Variants in PRKG1 observed in about 807,000 individuals in gnomAD.
PRKG1 encodes the protein cGMP-dependent protein kinase 1.
Under a neutral mutation model 88.1 loss-of-function variants are expected in PRKG1, and 35 were observed. That is an observed-to-expected ratio of 0.40 (90% CI 0.30 to 0.53). PRKG1 has a LOEUF of 0.53. Among genes scored for constraint, PRKG1 ranks in the 20% least tolerant of loss-of-function variants. PRKG1 has a pLI of 0.59. For synonymous variants in PRKG1, 303 were observed against 292.5 expected (o/e 1.04, Z -0.37); for missense variants, 540 against 839.8 (o/e 0.64, Z 4.41).
At chr10:51,642,721 C>A (rs7911086) in intron 3 of PRKG1, among the ~76,000 whole-genome samples, 72,623 of 152,072 alleles carry the variant, frequency 0.48, 18,922 homozygotes, top group East Asian at 0.72. Context: ...GTTTATATTT[C>A]TCCTAAGAAT....
intron 5 of PRKG1, among the ~76,000 whole-genome samples, chr10:52,013,201 G>A (rs925494948): frequency 6.6e-5 from 10 of 152,092 alleles, no homozygotes; most frequent in South Asian, 2.1e-4. Context: ...GGAAGATCAC[G>A]AGGTCAGGAG....
At chr10:51,858,643 A>AT (rs1345386109) in intron 4 of PRKG1, among the ~76,000 whole-genome samples, 8 of 150,196 alleles carry the variant, frequency 5.3e-5, no homozygotes, top group African/African-American at 2.0e-4. Flanking sequence ...ATGCCTGTAC[A>AT]TTTTTGTACC....
chr10:51,084,373 T>A (rs1183537121), intron 1 of PRKG1, among the ~76,000 whole-genome samples: 1 of 152,220 alleles, frequency 6.6e-6, no homozygotes, highest in Non-Finnish European at 1.5e-5. Flanking sequence ...TTTGCATTCT[T>A]TTATTCCAAC....
At chr10:51,175,151 A>G (rs952379634) in intron 2 of PRKG1, among the ~76,000 whole-genome samples, 1 of 149,214 alleles carries the variant, frequency 6.7e-6, no homozygotes, top group African/African-American at 2.5e-5. Flanking sequence ...TAACAACGTA[A>G]TAGCTAAATT....
intron 3 of PRKG1, among the ~76,000 whole-genome samples, chr10:51,469,338 C>T (rs1839986623): frequency 6.6e-6 from 1 of 151,606 alleles, no homozygotes; most frequent in South Asian, 2.1e-4. Flanking sequence ...ATATTTCAGG[C>T]TTGTACACTG....
chr10:51,588,451 A>G (rs1323287640), intron 3 of PRKG1, among the ~76,000 whole-genome samples: 1 of 152,192 alleles, frequency 6.6e-6, no homozygotes, highest in Non-Finnish European at 1.5e-5. Context: ...CCTTACAACT[A>G]TCTGCTCAAT....
intron 2 of PRKG1, among the ~76,000 whole-genome samples, chr10:51,318,929 C>G (rs1249887062): frequency 1.3e-5 from 2 of 152,162 alleles, no homozygotes; most frequent in Admixed American, 1.3e-4. Context: ...TAAGTCGGGA[C>G]ATTTCCCATG....
chr10:51,975,819 C>A (rs1480996764), intron 5 of PRKG1, among the ~76,000 whole-genome samples: 1 of 151,864 alleles, frequency 6.6e-6, no homozygotes, highest in Non-Finnish European at 1.5e-5. Context: ...ATTTTGTTCT[C>A]AAAATGATTA....
At chr10:51,759,089 T>A (rs1428835956) in intron 3 of PRKG1, among the ~76,000 whole-genome samples, 6 of 152,174 alleles carry the variant, frequency 3.9e-5, no homozygotes, top group African/African-American at 1.4e-4. Context: ...CTTTATCAAA[T>A]CTATCATTGA....
chr10:52,110,021 C>T (rs1031967339), intron 7 of PRKG1, among the ~76,000 whole-genome samples: 1 of 151,674 alleles, frequency 6.6e-6, no homozygotes, highest in Non-Finnish European at 1.5e-5. Flanking sequence ...CAGATGCTCA[C>T]TGGGAAGGTG....
chr10:51,447,902 A>T (rs2132763342), intron 2 of PRKG1, among the ~76,000 whole-genome samples: 1 of 152,226 alleles, frequency 6.6e-6, no homozygotes, highest in Middle Eastern at 3.4e-3. Flanking sequence ...CATAAAACTC[A>T]AAATTACAAA....
chr10:51,436,944 C>A (rs768578047), intron 2 of PRKG1, among the ~76,000 whole-genome samples: 1 of 151,986 alleles, frequency 6.6e-6, no homozygotes, highest in Non-Finnish European at 1.5e-5. Flanking sequence ...CAGAGTTATG[C>A]GACATGGAAT....
chr10:51,425,521 G>A (rs1838552427), intron 2 of PRKG1, among the ~76,000 whole-genome samples: 1 of 152,190 alleles, frequency 6.6e-6, no homozygotes, highest in Non-Finnish European at 1.5e-5. Flanking sequence ...ATATTCCCAT[G>A]CACTAACTGG....
intron 2 of PRKG1, among the ~76,000 whole-genome samples, chr10:51,275,657 G>A (rs1171522264): frequency 6.6e-6 from 1 of 152,178 alleles, no homozygotes; most frequent in Admixed American, 6.5e-5. Context: ...ATAAGCTGCT[G>A]TGGCAGGAGC....
At chr10:51,595,627 CAATAAATA>C (rs10599209) in intron 3 of PRKG1, among the ~76,000 whole-genome samples, 4 of 145,922 alleles carry the variant, frequency 2.7e-5, no homozygotes, top group African/African-American at 5.1e-5. Context: ...GAGACTCTGC[CAATAAATA>C]AATAAATAAA....
At chr10:51,515,715 A>T (rs2132068504) in intron 3 of PRKG1, among the ~76,000 whole-genome samples, 1 of 152,198 alleles carries the variant, frequency 6.6e-6, no homozygotes, top group East Asian at 1.9e-4. Context: ...GTTCCAATCA[A>T]CGCAGGATAT....
chr10:51,234,837 C>T (rs1277736789), intron 2 of PRKG1, among the ~76,000 whole-genome samples: 1 of 152,012 alleles, frequency 6.6e-6, no homozygotes, highest in Non-Finnish European at 1.5e-5. Flanking sequence ...ACAAACAACA[C>T]AGTATAATAA....
At chr10:51,346,426 A>G (rs1444439896) in intron 2 of PRKG1, among the ~76,000 whole-genome samples, 1 of 152,258 alleles carries the variant, frequency 6.6e-6, no homozygotes, top group Non-Finnish European at 1.5e-5. Flanking sequence ...GTTATAAAAT[A>G]CTGCCACTTC....
chr10:51,912,922 T>C, intron 5 of PRKG1, among the ~76,000 whole-genome samples: 1 of 151,680 alleles, frequency 6.6e-6, no homozygotes, highest in East Asian at 1.9e-4. Flanking sequence ...ATTCAACTTC[T>C]ATTTTATTTT....
Sources: gnomAD v4.1 joint callset for allele counts (sites outside exome capture counted in the v4.1 genomes callset) on GRCh38, gnomAD v4.1.1 for gene constraint, MANE v1.5 for transcripts, NCBI Gene and HGNC (gene_info 2026-07-23, HGNC 2026-07-21) for gene names.